Variants in CSMD1 observed in about 807,000 individuals in gnomAD.
CSMD1 encodes the protein CUB and sushi domain-containing protein 1.
Under a neutral mutation model 417.5 loss-of-function variants are expected in CSMD1, and 213 were observed. The ratio of observed to expected loss-of-function variants is 0.51; its 90% confidence interval spans 0.46 to 0.57. The LOEUF is 0.57. Ranked by LOEUF, CSMD1 falls within the 20% of genes least tolerant of loss-of-function variation. CSMD1 has a pLI of 0.00. For synonymous variants in CSMD1, 2,862 were observed against 1,736.8 expected (o/e 1.65, Z -16.11); for missense variants, 6,923 against 4,529.7 (o/e 1.53, Z -15.17).
At chr8:3,495,487 A>C (rs1796327918) in intron 10 of CSMD1, among the ~76,000 whole-genome samples, 1 of 152,208 alleles carries the variant, frequency 6.6e-6, no homozygotes, top group African/African-American at 2.4e-5. Flanking sequence ...AAGCCAAGGC[A>C]AAGGTAGACA....
intron 41 of CSMD1, among the ~76,000 whole-genome samples, chr8:3,134,664 T>G (rs912105042): frequency 2.0e-5 from 3 of 152,332 alleles, no homozygotes; most frequent in Non-Finnish European, 4.4e-5. Context: ...GACTAAATCG[T>G]TGGATTTAGA....
intron 3 of CSMD1, among the ~76,000 whole-genome samples, chr8:4,380,197 T>C (rs1320407819): frequency 6.6e-6 from 1 of 152,154 alleles, no homozygotes; most frequent in East Asian, 1.9e-4. Flanking sequence ...CCCAGTTACT[T>C]CTTTCCAGAC....
intron 40 of CSMD1, among the ~76,000 whole-genome samples, chr8:3,146,107 C>A (rs1818827196): frequency 6.6e-6 from 1 of 152,056 alleles, no homozygotes; most frequent in South Asian, 2.1e-4. Flanking sequence ...TTATATTGTC[C>A]CTATGTTTCT....
chr8:4,548,171 C>T (rs1006786210), intron 2 of CSMD1, among the ~76,000 whole-genome samples: 2 of 152,144 alleles, frequency 1.3e-5, no homozygotes, highest in Non-Finnish European at 2.9e-5. Context: ...GAGACTCCTA[C>T]AAGAGCTTAT....
chr8:4,028,813 T>C (rs560973885), intron 4 of CSMD1, among the ~76,000 whole-genome samples: 1 of 152,248 alleles, frequency 6.6e-6, no homozygotes, highest in South Asian at 2.1e-4. Flanking sequence ...GGCATCTCAT[T>C]AAGACCTCAA....
chr8:4,938,070 G>A (rs1320798147), intron 1 of CSMD1, among the ~76,000 whole-genome samples: 1 of 152,020 alleles, frequency 6.6e-6, no homozygotes, highest in Non-Finnish European at 1.5e-5. Flanking sequence ...ATTTCCAAAT[G>A]ATTAAAATTT....
intron 2 of CSMD1, among the ~76,000 whole-genome samples, chr8:4,453,127 C>T (rs1333180489): frequency 1.3e-5 from 2 of 151,998 alleles, no homozygotes; most frequent in East Asian, 3.9e-4. Flanking sequence ...TCCTTGGACA[C>T]ATGTGTCACC....
intron 35 of CSMD1, among the ~76,000 whole-genome samples, 170 bp from the exon 36 acceptor site, chr8:3,188,135 A>G (rs1796182818): frequency 6.8e-6 from 1 of 147,208 alleles, no homozygotes; most frequent in Non-Finnish European, 1.5e-5. Context: ...AATGCCATAT[A>G]TATATACATA....
intron 5 of CSMD1, among the ~76,000 whole-genome samples, chr8:3,872,642 A>T (rs1805552581): frequency 6.6e-6 from 1 of 152,092 alleles, no homozygotes; most frequent in African/African-American, 2.4e-5. Flanking sequence ...TTTTCTCTTA[A>T]TTTATTAATG....
At chr8:3,984,919 T>A (rs1347434573) in intron 5 of CSMD1, among the ~76,000 whole-genome samples, 1 of 151,884 alleles carries the variant, frequency 6.6e-6, no homozygotes, top group African/African-American at 2.4e-5. Flanking sequence ...AGCTTCATTG[T>A]AGTTCATTAT....
intron 50 of CSMD1, among the ~76,000 whole-genome samples, chr8:3,031,955 T>C (rs559632012): frequency 7.3e-6 from 1 of 137,916 alleles, no homozygotes; most frequent in South Asian, 2.2e-4. Flanking sequence ...AATTAGACAC[T>C]ATATGTGTGT....
At chr8:3,169,395 C>A (rs187992382) in intron 37 of CSMD1, among the ~76,000 whole-genome samples, 28 of 151,950 alleles carry the variant, frequency 1.8e-4, no homozygotes, top group Admixed American at 9.2e-4. Context: ...CATTCTGCTG[C>A]TAAGTGAAAT....
chr8:3,249,776 T>C lies in CSMD1; in HGVS notation c.4154-19545A>G, dbSNP rs555094421. 2.3e-4 allele frequency among the ~76,000 whole-genome samples: 35 copies of C among 152,344 alleles called. No individual in the cohort carries two copies. The East Asian group carries it at 3.9e-3, about 17-fold the overall frequency. Reference sequence around the variant, plus strand: ...TTCCGTTTTTTTTAAATCTAATCAATTTCCATGTCTAAACTTCATTAGGGA... The same window carrying C: ...TTCCGTTTTTTTTAAATCTAATCAACTTCCATGTCTAAACTTCATTAGGGA... On this transcript the variant is annotated intron_variant, in intron 26 of 69. Coordinates refer to ENST00000635120, the MANE Select transcript of CSMD1 (RefSeq NM_033225.6).
intron 2 of CSMD1, among the ~76,000 whole-genome samples, chr8:4,478,514 A>G (rs540623379): frequency 4.3e-4 from 65 of 152,224 alleles, no homozygotes; most frequent in Admixed American, 8.5e-4. Context: ...GTAGATGTAT[A>G]AATCAAAGAA....
intron 3 of CSMD1, among the ~76,000 whole-genome samples, chr8:4,047,237 C>G (rs571683247): frequency 4.6e-5 from 7 of 152,138 alleles, no homozygotes; most frequent in Admixed American, 2.6e-4. Flanking sequence ...TAGTGTTCAT[C>G]AAAGTCATCT....
At chr8:4,583,692 G>C (rs1799560758) in intron 2 of CSMD1, among the ~76,000 whole-genome samples, 1 of 152,106 alleles carries the variant, frequency 6.6e-6, no homozygotes, top group East Asian at 1.9e-4. Flanking sequence ...GAGAACCTTT[G>C]TATCTAGCTC....
At chr8:3,470,014 C>A (rs758320586) in intron 11 of CSMD1, among the ~76,000 whole-genome samples, 1 of 152,070 alleles carries the variant, frequency 6.6e-6, no homozygotes. Context: ...AGCCAAAAAG[C>A]GCACAGATCG....
At chr8:4,711,742 T>C (rs763765731) in intron 1 of CSMD1, among the ~76,000 whole-genome samples, 2 of 152,164 alleles carry the variant, frequency 1.3e-5, no homozygotes, top group Non-Finnish European at 2.9e-5. Flanking sequence ...TCCTTCAGTT[T>C]GGTGTGTTTA....
intron 5 of CSMD1, among the ~76,000 whole-genome samples, chr8:3,867,094 C>A (rs920866700): frequency 5.3e-5 from 8 of 152,036 alleles, no homozygotes; most frequent in Non-Finnish European, 1.0e-4. Context: ...AATATTGTAA[C>A]CATTTTGATT....
Sources: gnomAD v4.1 joint callset for allele counts (sites outside exome capture counted in the v4.1 genomes callset) on GRCh38, gnomAD v4.1.1 for gene constraint, MANE v1.5 for transcripts, NCBI Gene and HGNC (gene_info 2026-07-23, HGNC 2026-07-21) for gene names.